Variants in GPC6 observed in about 807,000 individuals in gnomAD.
GPC6 encodes glypican 6.
A neutral mutation model predicts 55.2 loss-of-function variants in GPC6; 14 were observed. That is an observed-to-expected ratio of 0.25 (90% confidence interval 0.17 to 0.40). GPC6 has a LOEUF of 0.40. Among genes scored for constraint, GPC6 ranks in the 10% least tolerant of loss-of-function variants. GPC6 has a pLI of 1.00. For synonymous variants in GPC6, 278 were observed against 259.6 expected (o/e 1.07, Z -0.68); for missense variants, 641 against 708.5 (o/e 0.90, Z 1.08).
At chr13:93,499,217 T>C (rs557937773) in intron 1 of GPC6, among the ~76,000 whole-genome samples, 5 of 152,270 alleles carry the variant, frequency 3.3e-5, no homozygotes, top group South Asian at 2.1e-4. Flanking sequence ...GTGGTTCTTA[T>C]GGAATTATTA....
intron 4 of GPC6, among the ~76,000 whole-genome samples, chr13:94,220,346 T>C (rs971821680): frequency 4.6e-5 from 7 of 152,100 alleles, no homozygotes; most frequent in Non-Finnish European, 8.8e-5. Flanking sequence ...TCTGTATTGC[T>C]TACTAGAGTG....
At chr13:93,580,412 C>T (rs566758178) in intron 2 of GPC6, among the ~76,000 whole-genome samples, 3 of 152,182 alleles carry the variant, frequency 2.0e-5, no homozygotes, top group Admixed American at 6.5e-5. Context: ...ATTTAAAAAC[C>T]TTTTATCACT....
intron 5 of GPC6, among the ~76,000 whole-genome samples, chr13:94,288,816 TAA>T (rs1874709875): frequency 3.7e-5 from 2 of 54,400 alleles, no homozygotes; most frequent in African/African-American, 1.4e-4. Context: ...TTATATATAA[TAA>T]ATATATATAT....
intron 1 of GPC6, among the ~76,000 whole-genome samples, chr13:93,301,014 C>T (rs916089110): frequency 3.4e-5 from 5 of 149,140 alleles, no homozygotes; most frequent in African/African-American, 7.4e-5. Flanking sequence ...AGAGAAACTC[C>T]GTCTCAAAAA....
At chr13:93,489,225 G>A (rs574013875) in intron 1 of GPC6, among the ~76,000 whole-genome samples, 13 of 151,514 alleles carry the variant, frequency 8.6e-5, no homozygotes, top group South Asian at 4.2e-4. Context: ...TACTAAATAC[G>A]GAATCCTTTC....
chr13:93,466,336 C>T (rs1018201936), intron 1 of GPC6, among the ~76,000 whole-genome samples: 7 of 152,212 alleles, frequency 4.6e-5, no homozygotes, highest in Middle Eastern at 3.4e-3. Flanking sequence ...ACGTATATCA[C>T]GTGATGTATA....
intron 2 of GPC6, among the ~76,000 whole-genome samples, chr13:93,552,169 G>A (rs60828110): frequency 7.4e-4 from 112 of 152,234 alleles, no homozygotes; most frequent in African/African-American, 2.4e-3. Context: ...ATCAGAATGC[G>A]CTGAACTGAG....
At chr13:94,271,023 T>C (rs1458144504) in intron 4 of GPC6, among the ~76,000 whole-genome samples, 1 of 116,204 alleles carries the variant, frequency 8.6e-6, no homozygotes, top group Non-Finnish European at 1.6e-5. Flanking sequence ...GGAGTCTCGC[T>C]CTGTCGCCCA....
chr13:93,528,879 A>C (rs1030862859), intron 1 of GPC6, among the ~76,000 whole-genome samples: 6 of 152,178 alleles, frequency 3.9e-5, no homozygotes, highest in African/African-American at 1.4e-4. Flanking sequence ...GGACATCTTG[A>C]TATCATTGAA....
At chr13:93,355,121 A>C (rs1027214586) in intron 1 of GPC6, among the ~76,000 whole-genome samples, 1 of 152,176 alleles carries the variant, frequency 6.6e-6, no homozygotes, top group African/African-American at 2.4e-5. Context: ...GCCATTATTC[A>C]TATCTTGATA....
chr13:94,148,675 G>GTTA (rs540729141), intron 4 of GPC6, among the ~76,000 whole-genome samples: 24 of 151,824 alleles, frequency 1.6e-4, no homozygotes, highest in Admixed American at 3.9e-4. Context: ...TTTTTCAAAT[G>GTTA]TTATTATTAT....
At chr13:93,437,402 G>C (rs1877612298) in intron 1 of GPC6, among the ~76,000 whole-genome samples, 1 of 152,176 alleles carries the variant, frequency 6.6e-6, no homozygotes, top group South Asian at 2.1e-4. Context: ...CAAACAGTTA[G>C]CTAAGTTGTG....
chr13:93,293,598 C>T (rs1275087813), intron 1 of GPC6, among the ~76,000 whole-genome samples: 3 of 152,150 alleles, frequency 2.0e-5, no homozygotes, highest in African/African-American at 7.2e-5. Context: ...TTCCACTTTT[C>T]CCCTGGATGG....
chr13:93,269,281 A>G (rs1199114727), intron 1 of GPC6, among the ~76,000 whole-genome samples: 1 of 152,146 alleles, frequency 6.6e-6, no homozygotes, highest in Non-Finnish European at 1.5e-5. Flanking sequence ...CTATTAGTGA[A>G]AACACAATCA....
chr13:94,125,025 T>C (rs1886757254), intron 4 of GPC6, among the ~76,000 whole-genome samples: 1 of 152,102 alleles, frequency 6.6e-6, no homozygotes, highest in African/African-American at 2.4e-5. Flanking sequence ...ATTCATAAAT[T>C]AGGAAAGAAT....
At chr13:93,460,215 G>GT (rs1396607165) in intron 1 of GPC6, among the ~76,000 whole-genome samples, 2 of 152,182 alleles carry the variant, frequency 1.3e-5, no homozygotes, top group East Asian at 3.9e-4. Flanking sequence ...CCTTGAGGCT[G>GT]TGGCAGCCAA....
chr13:93,423,480 A>G (rs1172187023), intron 1 of GPC6, among the ~76,000 whole-genome samples: 1 of 152,232 alleles, frequency 6.6e-6, no homozygotes, highest in Non-Finnish European at 1.5e-5. Context: ...ACATCCAGAA[A>G]TTACATAAAG....
chr13:93,529,609 T>A (rs1881785213), intron 1 of GPC6, among the ~76,000 whole-genome samples: 1 of 135,696 alleles, frequency 7.4e-6, no homozygotes, highest in African/African-American at 3.0e-5. Context: ...TCCACCTCCC[T>A]GGTTTCAAGC....
chr13:93,525,530 A>T (rs1187217730), intron 1 of GPC6, among the ~76,000 whole-genome samples: 1 of 152,092 alleles, frequency 6.6e-6, no homozygotes, highest in Non-Finnish European at 1.5e-5. Context: ...TATTTCTGGG[A>T]ATTTCTCCTG....
Sources: gnomAD v4.1 joint callset for allele counts (sites outside exome capture counted in the v4.1 genomes callset) on GRCh38, gnomAD v4.1.1 for gene constraint, MANE v1.5 for transcripts, NCBI Gene and HGNC (gene_info 2026-07-23, HGNC 2026-07-21) for gene names.